ADAMTS20: variants seen among roughly 807,000 people sequenced by gnomAD.
The protein encoded by ADAMTS20 is ADAM metallopeptidase with thrombospondin type 1 motif 20, also known as A disintegrin and metalloproteinase with thrombospondin motifs 20.
A neutral mutation model predicts 260.1 loss-of-function variants in ADAMTS20; 225 were observed. The observed-to-expected ratio is 0.87, with a 90% CI of 0.78 to 0.97. ADAMTS20 has a LOEUF of 0.97. Ranked by LOEUF, ADAMTS20 falls within the 50% of genes least tolerant of loss-of-function variation. ADAMTS20 has a pLI of 0.00. For missense variants in ADAMTS20, 2,400 were observed against 2,337.7 expected, an observed-to-expected ratio of 1.03 and a Z score of -0.55; for synonymous variants, 802 against 769.5, an observed-to-expected ratio of 1.04 and a Z score of -0.70.
Position 43,551,414 on chromosome 12 carries a change from C to A in ADAMTS20, c.92-144G>T, listed in dbSNP as rs899526977. The A allele has an allele frequency of 6.7e-6, 8 of 1,188,140 alleles. No individual in the cohort carries two copies. The Admixed American group carries it at 1.4e-4, about 20-fold the overall frequency. 73.6% of individuals were successfully genotyped at this position (1,188,140 alleles called of 1,614,324 possible). A position where few individuals can be genotyped will look rare whatever the true frequency, so the allele number is the denominator to read the frequency against. ...ACAAATGCACACATGCTGATGCGCA[C>A]GCACACACACACACGTGCACTGGGA... is the stretch of plus-strand genomic sequence containing the variant. On this transcript the variant is annotated intron_variant, in intron 1 of 38. Transcript: ENST00000389420. The surrounding 1 kb of genome is among the most constrained non-coding windows in gnomAD (Gnocchi z 4.6).
chr12:43,395,677 C>CT (rs5797860), intron 29 of ADAMTS20, among the ~76,000 whole-genome samples: 2,769 of 90,670 alleles, frequency 0.031, 63 homozygotes, highest in African/African-American at 0.072. Context: ...GTGTGAGATT[C>CT]TTTTTTTTTT....
At chr12:43,411,038 C>T (rs1260706260) in intron 28 of ADAMTS20, among the ~76,000 whole-genome samples, 2 of 152,088 alleles carry the variant, frequency 1.3e-5, no homozygotes, top group Non-Finnish European at 2.9e-5. Context: ...GAGGGAAAAA[C>T]ATATCTTAAA....
At chr12:43,403,372 G>A (rs1418224154) in intron 28 of ADAMTS20, among the ~76,000 whole-genome samples, 1 of 152,010 alleles carries the variant, frequency 6.6e-6, no homozygotes, top group Non-Finnish European at 1.5e-5. Context: ...TTCAGTTGTA[G>A]GAAATGGAAG....
chr12:43,540,819 T>A (rs1943367003), intron 2 of ADAMTS20, among the ~76,000 whole-genome samples: 1 of 152,206 alleles, frequency 6.6e-6, no homozygotes, highest in African/African-American at 2.4e-5. Context: ...TAGGAGTTTC[T>A]TGATTACTTG....
Position 43,502,382 on chromosome 12 carries a change from A to C in ADAMTS20, c.637T>G (p.Leu213Val), listed in dbSNP as rs1296045536. 2 of 1,593,774 alleles carry C rather than the reference A, an allele frequency of 1.3e-6. No individual in the cohort carries two copies. Among genetic ancestry groups the C allele is most frequent in the Non-Finnish European group, 1.7e-6 (2 of 1,174,964 alleles). ...ATGTTGCTGTAGGTATGAAAGGGTA[A>C]ACTGGTTTCCTTTATTTGACTTTCT... is the stretch of plus-strand genomic sequence containing the variant. ...VSESQIKETS[L>V]PFHTYSNMNE... The change falls in exon 4 of 39, where the codon TTA becomes GTA. Residue 213 changes from leucine to valine, a missense_variant. Transcript: ENST00000389420.
intron 36 of ADAMTS20, among the ~76,000 whole-genome samples, chr12:43,374,761 C>T (rs1437590313): frequency 6.6e-6 from 1 of 152,156 alleles, no homozygotes; most frequent in Non-Finnish European, 1.5e-5. Flanking sequence ...CAAAAAGCTT[C>T]CACAAGTAGA....
chr12:43,405,522 C>A (rs1940903503), intron 28 of ADAMTS20, among the ~76,000 whole-genome samples: 1 of 150,674 alleles, frequency 6.6e-6, no homozygotes. Context: ...TTTTCAAAAA[C>A]CATTTTGGGA....
chr12:43,509,530 T>A (rs997813718), intron 3 of ADAMTS20, among the ~76,000 whole-genome samples: 1 of 152,040 alleles, frequency 6.6e-6, no homozygotes, highest in African/African-American at 2.4e-5. Context: ...GTAAGGAAAG[T>A]GAGAAAATTA....
intron 29 of ADAMTS20, among the ~76,000 whole-genome samples, chr12:43,390,496 C>T (rs1200456752): frequency 6.6e-6 from 1 of 152,150 alleles, no homozygotes; most frequent in Non-Finnish European, 1.5e-5. Context: ...TTTCTATTAG[C>T]AGTCAAGAGA....
chr12:43,516,450 CT>C, intron 3 of ADAMTS20, among the ~76,000 whole-genome samples: 1 of 152,304 alleles, frequency 6.6e-6, no homozygotes. Flanking sequence ...ATTGACTTCA[CT>C]AAGCATTTAC....
intron 3 of ADAMTS20, among the ~76,000 whole-genome samples, chr12:43,528,908 C>T (rs1176329809): frequency 6.6e-6 from 1 of 152,004 alleles, no homozygotes; most frequent in Non-Finnish European, 1.5e-5. Context: ...ATGCATCTGA[C>T]AAAAGACTGG....
At chr12:43,488,980 C>A (rs530015602) in intron 7 of ADAMTS20, among the ~76,000 whole-genome samples, 6 of 152,080 alleles carry the variant, frequency 3.9e-5, no homozygotes, top group African/African-American at 1.4e-4. Flanking sequence ...CTGCAATTAC[C>A]TTTCAGTTAT....
chr12:43,472,700 G>T (rs920985382), intron 7 of ADAMTS20, among the ~76,000 whole-genome samples: 1 of 147,006 alleles, frequency 6.8e-6, no homozygotes, highest in Non-Finnish European at 1.5e-5. Context: ...TTAAAGAAAA[G>T]AATTTTCAAG....
At position 43,435,468 on chromosome 12, in the gene ADAMTS20, G is replaced by A. The variant is rs1370876144; in HGVS notation, c.2594-1097C>T. ...ATCCTGGCTAACAAGGTGAAACCCCGTCTCTATTAAAAATACAGAAATCAG... is the reference window on the plus strand; with the variant it reads ...ATCCTGGCTAACAAGGTGAAACCCCATCTCTATTAAAAATACAGAAATCAG... On this transcript the variant is annotated intron_variant, in intron 18 of 38. Coordinates refer to ENST00000389420, the MANE Select transcript of ADAMTS20 (RefSeq NM_025003.5). 4.0e-5 allele frequency among the ~76,000 whole-genome samples: 6 copies of A among 151,528 alleles called. No homozygotes were observed. In the South Asian group the frequency reaches 8.3e-4, roughly 21 times the overall value.
intron 28 of ADAMTS20, among the ~76,000 whole-genome samples, chr12:43,399,485 C>T (rs896403983): frequency 6.6e-6 from 1 of 152,074 alleles, no homozygotes; most frequent in African/African-American, 2.4e-5. Flanking sequence ...TGATTGTCTA[C>T]AATATACCAG....
intron 29 of ADAMTS20, among the ~76,000 whole-genome samples, chr12:43,393,519 G>A (rs1033846868): frequency 5.3e-5 from 8 of 151,944 alleles, no homozygotes; most frequent in East Asian, 3.9e-4. Context: ...TAGCTATTGC[G>A]GAGCAGAGAT....
intron 11 of ADAMTS20, among the ~76,000 whole-genome samples, chr12:43,458,057 G>A (rs574998790): frequency 6.6e-6 from 1 of 152,312 alleles, no homozygotes; most frequent in African/African-American, 2.4e-5. Flanking sequence ...TGTGCCAAAG[G>A]TGGTGGGGGC....
chr12:43,440,797 G>T (rs1227464154), intron 16 of ADAMTS20, among the ~76,000 whole-genome samples: 1 of 152,144 alleles, frequency 6.6e-6, no homozygotes, highest in Non-Finnish European at 1.5e-5. Context: ...TAGAAAAAAG[G>T]TACAAAGCTT....
At chr12:43,395,107 T>C (rs1940672738) in intron 29 of ADAMTS20, among the ~76,000 whole-genome samples, 1 of 152,032 alleles carries the variant, frequency 6.6e-6, no homozygotes, top group Non-Finnish European at 1.5e-5. Context: ...AGGAGGAGCA[T>C]TAACAGATAG....
Sources: gnomAD v4.1 joint callset for allele counts (sites outside exome capture counted in the v4.1 genomes callset) on GRCh38, gnomAD v4.1.1 for gene constraint, Gnocchi (gnomAD v3.1) non-coding constraint, MANE v1.5 for transcripts, NCBI Gene and HGNC (gene_info 2026-07-23, HGNC 2026-07-21) for gene names.